The following COL4A2 variants were observed in gnomAD, a reference collection of about 807,000 sequenced individuals.
COL4A2 encodes collagen type IV alpha 2 chain.
Under a neutral mutation model 200.2 loss-of-function variants are expected in COL4A2, and 99 were observed. That is an observed-to-expected ratio of 0.49 (90% CI 0.42 to 0.58). The LOEUF is 0.58. Ranked by LOEUF, COL4A2 falls within the 20% of genes least tolerant of loss-of-function variation. COL4A2 has a pLI of 0.00. For synonymous variants in COL4A2, 897 were observed against 900.6 expected (o/e 1.00, Z 0.07); for missense variants, 1,950 against 2,314.1 (o/e 0.84, Z 3.23).
rs1201893847 is a variant in COL4A2 at position 110,469,444 on chromosome 13, C to G, written c.2203+120C>G. The G allele has an allele frequency of 2.9e-6, 3 of 1,042,026 alleles. No homozygotes were observed. The African/African-American group carries it at 4.9e-5, about 17-fold the overall frequency. 64.5% of individuals were successfully genotyped at this position (1,042,026 alleles called of 1,614,324 possible). On this transcript the variant is annotated intron_variant, in intron 28 of 47. Coordinates refer to ENST00000360467, the MANE Select transcript of COL4A2 (RefSeq NM_001846.4). ...AGAAGCTGTTTTAACAAATACTTGACAACTTTTGCATTTGTCCTTGGGAGA... is the reference window on the plus strand; with the variant it reads ...AGAAGCTGTTTTAACAAATACTTGAGAACTTTTGCATTTGTCCTTGGGAGA...
At chr13:110,487,997 C>T (rs1334500244) in intron 34 of COL4A2, among the ~76,000 whole-genome samples, 1 of 152,074 alleles carries the variant, frequency 6.6e-6, no homozygotes, top group Non-Finnish European at 1.5e-5. Flanking sequence ...GGATACCCTC[C>T]CCCTTCCTCC....
In COL4A2 at chr13:110,307,977, G is replaced by A; in HGVS notation, c.44+30G>A. On this transcript the variant is annotated intron_variant, in intron 2 of 47. Transcript: ENST00000360467. The surrounding 1 kb of genome is among the most constrained non-coding windows in gnomAD (Gnocchi z 5.0). ...GCGACTTTCTGCCTGGTCCCCGTGG[G>A]TCACGCGCGCATGGACCCTTCGGTG... is the stretch of plus-strand genomic sequence containing the variant. 1 of 1,612,282 alleles carries A rather than the reference G, an allele frequency of 6.2e-7. No homozygotes were observed. Among genetic ancestry groups the A allele is most frequent in the South Asian group, 1.1e-5 (1 of 90,930 alleles).
At chr13:110,419,737 A>G (rs34762491) in intron 4 of COL4A2, among the ~76,000 whole-genome samples, 2,973 of 152,326 alleles carry the variant, frequency 0.02, 48 homozygotes, top group Non-Finnish European at 0.031. Flanking sequence ...CCATGACTTC[A>G]GAGAGGGAAA....
intron 3 of COL4A2, among the ~76,000 whole-genome samples, chr13:110,347,579 C>T (rs776906100): frequency 4.6e-5 from 7 of 152,246 alleles, no homozygotes; most frequent in Non-Finnish European, 8.8e-5. Context: ...GTCATTCAGC[C>T]TGCTTTAAAT....
At chr13:110,314,130 T>C (rs1348562115) in intron 3 of COL4A2, among the ~76,000 whole-genome samples, 1 of 152,214 alleles carries the variant, frequency 6.6e-6, no homozygotes, top group East Asian at 1.9e-4. Context: ...TCTGTACCAA[T>C]GTTGATTTCT....
At chr13:110,383,796 A>G (rs1174028918) in intron 4 of COL4A2, among the ~76,000 whole-genome samples, 1 of 152,074 alleles carries the variant, frequency 6.6e-6, no homozygotes, top group African/African-American at 2.4e-5. Flanking sequence ...TATTTTTAGT[A>G]GAGATGAGTT....
intron 29 of COL4A2, among the ~76,000 whole-genome samples, chr13:110,477,767 T>C (rs1594097421): frequency 6.6e-6 from 1 of 152,234 alleles, no homozygotes; most frequent in East Asian, 1.9e-4. Context: ...AAATGTCTAG[T>C]TATTTATAGG....
intron 39 of COL4A2, among the ~76,000 whole-genome samples, chr13:110,494,494 A>T (rs1180445386): frequency 1.3e-5 from 2 of 152,338 alleles, no homozygotes; most frequent in East Asian, 3.9e-4. Flanking sequence ...TTTTATTATT[A>T]TGTCTTTTTT....
intron 4 of COL4A2, among the ~76,000 whole-genome samples, chr13:110,370,748 TCTCTCC>T (rs1017357145): frequency 2.0e-5 from 3 of 152,228 alleles, no homozygotes; most frequent in East Asian, 1.9e-4. Context: ...TTGATTTTCC[TCTCTCC>T]CTCTCTCCTA....
At chr13:110,439,670 C>T in intron 15 of COL4A2, 119 bp from the exon 16 acceptor site, 1 of 1,521,646 alleles carries the variant, frequency 6.6e-7, no homozygotes, top group Non-Finnish European at 8.9e-7. Flanking sequence ...GGACCTGAGA[C>T]TTGTTCAATC....
chr13:110,506,637 T>C (rs1394500830), intron 46 of COL4A2, 31 bp downstream of exon 46: 2 of 1,566,634 alleles, frequency 1.3e-6, no homozygotes, highest in Admixed American at 1.9e-5. Context: ...CCCCGTTGCC[T>C]GCTCAGGGCT....
intron 4 of COL4A2, among the ~76,000 whole-genome samples, chr13:110,376,329 C>G (rs1317786568): frequency 6.6e-6 from 1 of 152,114 alleles, no homozygotes; most frequent in Non-Finnish European, 1.5e-5. Flanking sequence ...AAGGTCGGAG[C>G]CTGTTTTTAT....
At chr13:110,438,554 G>A (rs1244263702) in intron 14 of COL4A2, 64 bp from the exon 15 acceptor site, 2 of 1,588,392 alleles carry the variant, frequency 1.3e-6, no homozygotes, top group Admixed American at 3.3e-5. Flanking sequence ...GATGACACGT[G>A]GGCCCTGTTG....
Position 110,436,275 on chromosome 13 carries a change from G to A in COL4A2, c.733G>A (p.Val245Ile), listed in dbSNP as rs371879428. Reference protein sequence around the residue: ...FYGVKGEKGDVGQPGPNGIPS... With the variant: ...FYGVKGEKGDIGQPGPNGIPS... ...TTTGCTTAACAATATGCAGGGTGAC[G>A]TAGGGCAGCCGGGACCCAACGGGAT... The change falls in exon 13 of 48, where the codon GTA (valine) becomes ATA (isoleucine). Residue 245 changes from valine to isoleucine, a missense_variant. This residue lies in a region of COL4A2 where 565 missense variants were observed against 593.5 expected (regional missense o/e 0.95). Transcript: ENST00000360467. 68 of 1,613,730 alleles carry A rather than the reference G, an allele frequency of 4.2e-5. No individual in the cohort carries two copies. The highest frequency in any genetic ancestry group is 5.3e-5 in the Non-Finnish European group (62 of 1,179,990).
intron 38 of COL4A2, 137 bp downstream of exon 38, chr13:110,492,314 C>T (rs1261357942): frequency 5.5e-6 from 4 of 723,002 alleles, no homozygotes; most frequent in African/African-American, 3.6e-5. Context: ...CTGTGGCTTA[C>T]GGTGGTCTGC....
In COL4A2 at chr13:110,492,144, G is replaced by A; in HGVS notation, c.3529G>A (p.Asp1177Asn). The change falls in exon 38 of 48, where the codon GAT becomes AAT. Residue 1177 changes from aspartate to asparagine, a missense_variant. Physicochemically the swap from Asp to Asn is conservative, Grantham distance 23 (BLOSUM62 1). Coordinates refer to ENST00000360467, the MANE Select transcript of COL4A2 (RefSeq NM_001846.4). ...GRIGLPGGKGDDGWPGAPGLP... is the reference protein window; with the variant it reads ...GRIGLPGGKGNDGWPGAPGLP... ...GATTGGACTGCCTGGTGGCAAAGGA[G>A]ATGATGGCTGGCCGGGAGCTCCGGG... The A allele has an allele frequency of 6.4e-7, 1 of 1,553,438 alleles. No individual in the cohort carries two copies. Among genetic ancestry groups the A allele is most frequent in the South Asian group, 1.2e-5 (1 of 84,166 alleles).
At position 110,420,693 on chromosome 13, in the gene COL4A2, T is replaced by C. The variant is rs183389377; in HGVS notation, c.181-4041T>C. On this transcript the variant is annotated intron_variant, in intron 4 of 47. Coordinates refer to ENST00000360467, the MANE Select transcript of COL4A2 (RefSeq NM_001846.4). Reference sequence around the variant, plus strand: ...CTTTTTGACTGAGGATGGAAGTTGATAAGGACGATGATTAGCACAGAGGAA... The same window carrying C: ...CTTTTTGACTGAGGATGGAAGTTGACAAGGACGATGATTAGCACAGAGGAA... 2.3e-4 allele frequency among the ~76,000 whole-genome samples: 35 copies of C among 152,324 alleles called. No individual in the cohort carries two copies. The East Asian group carries it at 6.4e-3, about 28-fold the overall frequency.
At chr13:110,349,724 A>G (rs57274138) in intron 3 of COL4A2, among the ~76,000 whole-genome samples, 13,651 of 152,048 alleles carry the variant, frequency 0.09, 2,039 homozygotes, top group African/African-American at 0.31. Flanking sequence ...TTTGATGTCT[A>G]TGGTAAATCT....
chr13:110,466,058 G>T lies in COL4A2; in HGVS notation c.2034G>T (p.Gln678His). ...GAGGTGACAGACAGGAGGCCATCCA[G>T]CCAGGTACTCTGGGAAGTGCAGGTG... ...AVGGDRQEAI[Q>H]PGCIGGPKGL... The change falls in exon 26 of 48, where the codon CAG becomes CAT. Residue 678 changes from glutamine (Q) to histidine (H), a missense_variant. Gln to His is a conservative substitution (Grantham distance 24). Coordinates refer to ENST00000360467, the MANE Select transcript of COL4A2 (RefSeq NM_001846.4). 6.2e-7 allele frequency: 1 copy of T among 1,613,710 alleles called. No individual in the cohort carries two copies. Among genetic ancestry groups the T allele is most frequent in the Non-Finnish European group, 8.5e-7 (1 of 1,179,676 alleles).
Sources: allele counts gnomAD v4.1 joint callset (sites outside exome capture counted in the v4.1 genomes callset), GRCh38; gene constraint gnomAD v4.1.1; regional missense constraint gnomAD v4.1.1; non-coding constraint Gnocchi (gnomAD v3.1); transcripts MANE v1.5; gene names NCBI Gene and HGNC (gene_info 2026-07-23, HGNC 2026-07-21).